FAM107B: variants seen among roughly 807,000 people sequenced by gnomAD.
FAM107B encodes the protein protein FAM107B.
A neutral mutation model predicts 31.5 loss-of-function variants in FAM107B; 21 were observed. That is an observed-to-expected ratio of 0.67 (90% confidence interval 0.47 to 0.96). FAM107B has a LOEUF of 0.96. Among genes scored for constraint, FAM107B ranks in the 40% least tolerant of loss-of-function variants. FAM107B has a pLI of 0.00. For synonymous variants in FAM107B, 157 were observed against 141.5 expected (o/e 1.11, Z -0.78); for missense variants, 452 against 377.1 (o/e 1.20, Z -1.64).
At chr10:14,533,701 A>G (rs569825755) in intron 2 of FAM107B, among the ~76,000 whole-genome samples, 1 of 152,324 alleles carries the variant, frequency 6.6e-6, no homozygotes, top group African/African-American at 2.4e-5. Context: ...TTGAGGTGCA[A>G]ACATGACTTG....
At chr10:14,563,726 A>G (rs1319535547) in intron 2 of FAM107B, among the ~76,000 whole-genome samples, 1 of 152,182 alleles carries the variant, frequency 6.6e-6, no homozygotes, top group Non-Finnish European at 1.5e-5. Flanking sequence ...GCCTTTCCCA[A>G]TGATGTAACT....
intron 3 of FAM107B, among the ~76,000 whole-genome samples, chr10:14,523,168 T>C (rs1365748470): frequency 6.6e-6 from 1 of 152,264 alleles, no homozygotes; most frequent in Admixed American, 6.5e-5. Flanking sequence ...GCCTTTTCTA[T>C]TTCCTTAGGA....
intron 1 of FAM107B, among the ~76,000 whole-genome samples, chr10:14,751,199 C>T (rs2131582186): frequency 6.6e-6 from 1 of 152,202 alleles, no homozygotes; most frequent in Admixed American, 6.5e-5. Flanking sequence ...ACACAAAGAC[C>T]CCACCCCAGC....
intron 1 of FAM107B, among the ~76,000 whole-genome samples, chr10:14,685,421 A>G (rs1854960340): frequency 6.6e-6 from 1 of 152,102 alleles, no homozygotes; most frequent in Non-Finnish European, 1.5e-5. Context: ...CAAAAGTGCT[A>G]GGATTATAGT....
intron 1 of FAM107B, among the ~76,000 whole-genome samples, chr10:14,718,476 G>C (rs531753235): frequency 3.9e-4 from 58 of 148,100 alleles, no homozygotes; most frequent in African/African-American, 1.4e-3. Flanking sequence ...GGAAGAAAAG[G>C]AGGGAGGGAG....
intron 2 of FAM107B, among the ~76,000 whole-genome samples, chr10:14,583,429 C>T (rs1187866906): frequency 6.6e-6 from 1 of 152,158 alleles, no homozygotes; most frequent in East Asian, 1.9e-4. Context: ...GCAGCACAGA[C>T]CACAGAACTC....
At chr10:14,759,407 G>A (rs770306763) in intron 1 of FAM107B, among the ~76,000 whole-genome samples, 16 of 151,988 alleles carry the variant, frequency 1.1e-4, no homozygotes, top group African/African-American at 3.6e-4. Context: ...CTTTCCTGGC[G>A]CCATCCCCAA....
intron 2 of FAM107B, among the ~76,000 whole-genome samples, chr10:14,634,812 C>T (rs748802263): frequency 3.3e-5 from 5 of 152,022 alleles, no homozygotes; most frequent in Non-Finnish European, 5.9e-5. Context: ...CAGTCTTGGC[C>T]GGGTGCGGTG....
At chr10:14,527,291 A>T (rs1180769782) in intron 3 of FAM107B, among the ~76,000 whole-genome samples, 2 of 152,238 alleles carry the variant, frequency 1.3e-5, no homozygotes, top group African/African-American at 4.8e-5. Context: ...TAGAGGCTTC[A>T]AAGACTTTTA....
chr10:14,699,852 G>A (rs774352131), intron 1 of FAM107B, among the ~76,000 whole-genome samples: 4 of 152,248 alleles, frequency 2.6e-5, no homozygotes, highest in East Asian at 1.9e-4. Flanking sequence ...TTAGTCTGGC[G>A]ACAGATTACA....
At chr10:14,664,367 C>T (rs556624102) in intron 2 of FAM107B, among the ~76,000 whole-genome samples, 2 of 152,156 alleles carry the variant, frequency 1.3e-5, no homozygotes, top group South Asian at 4.1e-4. Flanking sequence ...TCAAGTCTGT[C>T]GTATTTACCA....
At chr10:14,648,437 G>T (rs550390116) in intron 2 of FAM107B, among the ~76,000 whole-genome samples, 1 of 152,144 alleles carries the variant, frequency 6.6e-6, no homozygotes, top group Non-Finnish European at 1.5e-5. Flanking sequence ...CATACCCAGC[G>T]AACTCAAGCT....
chr10:14,542,515 T>G (rs1213918617), intron 2 of FAM107B: 3 of 152,206 alleles, frequency 2.0e-5, no homozygotes, highest in Non-Finnish European at 4.4e-5. Flanking sequence ...TCGCACTCAA[T>G]TCTTAACCTC....
chr10:14,560,935 G>A (rs182196786), intron 2 of FAM107B, among the ~76,000 whole-genome samples: 27 of 152,272 alleles, frequency 1.8e-4, no homozygotes, highest in African/African-American at 6.3e-4. Context: ...TGGCAGCAAT[G>A]AGTACAAACA....
Position 14,656,925 on chromosome 10 carries a change from A to G in FAM107B, c.469+10709T>C, listed in dbSNP as rs142309501. Among the ~76,000 whole-genome samples, 41 of 152,264 alleles carry G rather than the reference A, an allele frequency of 2.7e-4. No individual in the cohort carries two copies. The East Asian group carries it at 7.3e-3, about 27-fold the overall frequency. Reference sequence around the variant, plus strand: ...CCTCCATTCCCACTGTGTTAAGAGGACATAGGATTGGATGGAGAAGAATAG... The same window carrying G: ...CCTCCATTCCCACTGTGTTAAGAGGGCATAGGATTGGATGGAGAAGAATAG... On this transcript the variant is annotated intron_variant, in intron 2 of 4. Coordinates refer to ENST00000181796, the MANE Select transcript of FAM107B (RefSeq NM_031453.4).
intron 1 of FAM107B, among the ~76,000 whole-genome samples, chr10:14,757,164 A>G (rs905609222): frequency 2.6e-5 from 4 of 152,214 alleles, no homozygotes; most frequent in African/African-American, 9.7e-5. Context: ...AAAAGTTAAA[A>G]TAAATAAATA....
chr10:14,763,129 G>T (rs1453787553), intron 1 of FAM107B, among the ~76,000 whole-genome samples: 2 of 151,978 alleles, frequency 1.3e-5, no homozygotes, highest in African/African-American at 4.8e-5. Context: ...GGGTGTGGTG[G>T]CAGGCACCTG....
intron 1 of FAM107B, among the ~76,000 whole-genome samples, chr10:14,711,985 G>A (rs940429418): frequency 2.0e-5 from 3 of 152,202 alleles, no homozygotes; most frequent in Non-Finnish European, 4.4e-5. Flanking sequence ...AGACTTTAAT[G>A]AGTGTGCAGT....
chr10:14,676,709 T>C (rs1854691170), intron 1 of FAM107B, among the ~76,000 whole-genome samples: 1 of 152,232 alleles, frequency 6.6e-6, no homozygotes. Flanking sequence ...TCAGAGAAAC[T>C]GCACTGTATG....
Sources: gnomAD v4.1 joint callset for allele counts (sites outside exome capture counted in the v4.1 genomes callset) on GRCh38, gnomAD v4.1.1 for gene constraint, MANE v1.5 for transcripts, NCBI Gene and HGNC (gene_info 2026-07-23, HGNC 2026-07-21) for gene names.